TADA3: variants seen among roughly 807,000 people sequenced by gnomAD.
TADA3 encodes the protein transcriptional adapter 3.
Under a neutral mutation model 43.2 loss-of-function variants are expected in TADA3, and 25 were observed. The ratio of observed to expected loss-of-function variants is 0.58; its 90% confidence interval spans 0.42 to 0.81. The LOEUF (loss-of-function observed/expected upper bound fraction) is 0.81. Ranked by LOEUF, TADA3 falls within the 30% of genes least tolerant of loss-of-function variation. TADA3 has a pLI of 0.00. For missense variants in TADA3, 441 were observed against 567.8 expected (o/e 0.78, Z 2.27); for synonymous variants, 235 against 225.5 (o/e 1.04, Z -0.38).
rs1180225158 is a variant in TADA3 at position 9,780,276 on chromosome 3, T to C, written c.*81A>G. On this transcript the variant is annotated 3_prime_UTR_variant, in exon 9 of 9. Coordinates refer to ENST00000301964, the MANE Select transcript of TADA3 (RefSeq NM_006354.5). Reference sequence around the variant, plus strand: ...CATTTGAGGGACAGCCACAGGCCAATGTTTCCTGTGCCCAAAGAAGGAAGT... The same window carrying C: ...CATTTGAGGGACAGCCACAGGCCAACGTTTCCTGTGCCCAAAGAAGGAAGT... 17 of 1,437,918 alleles carry C rather than the reference T, an allele frequency of 1.2e-5. No individual in the cohort carries two copies. Among genetic ancestry groups the C allele is most frequent in the East Asian group, 9.2e-5 (4 of 43,690 alleles). 89.1% of individuals were successfully genotyped at this position (1,437,918 alleles called of 1,614,324 possible).
intron 7 of TADA3, among the ~76,000 whole-genome samples, chr3:9,785,062 T>C (rs1452246965): frequency 1.3e-5 from 2 of 152,216 alleles, no homozygotes; most frequent in Non-Finnish European, 2.9e-5. Flanking sequence ...TATGGAGTTA[T>C]GCCAATTTAG....
At chr3:9,792,729 G>T (rs527257995), upstream of TADA3, 1,063 of 1,236,800 alleles carry the variant, frequency 8.6e-4, no homozygotes, top group Non-Finnish European at 1.0e-3. Context: ...GAGAAAGGAT[G>T]GGGGTACAGA....
At chr3:9,789,369 C>A in intron 4 of TADA3, 140 bp downstream of exon 4, 2 of 727,754 alleles carry the variant, frequency 2.7e-6, no homozygotes, top group Non-Finnish European at 4.4e-6. Flanking sequence ...GCCTAGGTGT[C>A]TGGAGGCACT....
chr3:9,791,269 G>C lies in TADA3; in HGVS notation c.198C>G (p.Ala66=), dbSNP rs139007937. ...SASRRLRVLE[A]ETQILTDWQD... ...TCTCTGGGGTTATCACCTGGGTTTC[G>C]GCCTCAAGCACACGCAGGCGCCGGC... Residue 66 remains alanine (A), a synonymous_variant, in exon 2 of 9, where the codon GCC becomes GCG. Coordinates refer to ENST00000301964, the MANE Select transcript of TADA3 (RefSeq NM_006354.5). The C allele has an allele frequency of 6.2e-7, 1 of 1,611,832 alleles. No individual in the cohort carries two copies. The highest frequency in any genetic ancestry group is 8.5e-7 in the Non-Finnish European group (1 of 1,179,620).
intron 6 of TADA3, among the ~76,000 whole-genome samples, chr3:9,785,796 G>A (rs903484919): frequency 4.6e-5 from 7 of 152,370 alleles, no homozygotes; most frequent in African/African-American, 1.7e-4. Flanking sequence ...GGCAATGCCT[G>A]TCCAGTTGTA....
At chr3:9,788,510 GC>G (rs1480297682) in intron 4 of TADA3, among the ~76,000 whole-genome samples, 1 of 150,134 alleles carries the variant, frequency 6.7e-6, no homozygotes, top group Non-Finnish European at 1.5e-5. Flanking sequence ...CTCCCAAAGG[GC>G]TGGGATTACA....
At position 9,789,534 on chromosome 3, in the gene TADA3, G is replaced by A. The variant is rs941668510; in HGVS notation, c.539C>T (p.Pro180Leu). 2 of 1,614,048 alleles carry A rather than the reference G, an allele frequency of 1.2e-6. No individual in the cohort carries two copies. Among genetic ancestry groups the A allele is most frequent in the African/African-American group, 1.3e-5 (1 of 75,026 alleles). Reference sequence around the variant, plus strand: ...CTTGTAATGCTCAGCCTCATCTTCTGGGGGCTTCAGTAACTCCTCAAGTGT... The same window carrying A: ...CTTGTAATGCTCAGCCTCATCTTCTAGGGGCTTCAGTAACTCCTCAAGTGT... ...VRTLEELLKP[P>L]EDEAEHYKIP... Residue 180 changes from proline to leucine, a missense_variant, in exon 4 of 9, where the codon CCA becomes CTA. Physicochemically the swap from Pro to Leu is moderately conservative, Grantham distance 98. Transcript: ENST00000301964.
intron 8 of TADA3, chr3:9,781,604 G>A (rs1365309746): frequency 2.2e-6 from 1 of 456,084 alleles, no homozygotes; most frequent in Non-Finnish European, 4.4e-6. Flanking sequence ...ACAGGAGGTG[G>A]GTGAGACACC....
intron 8 of TADA3, among the ~76,000 whole-genome samples, chr3:9,782,733 G>A (rs776384848): frequency 6.6e-6 from 1 of 150,474 alleles, no homozygotes; most frequent in Non-Finnish European, 1.5e-5. Context: ...GGAGGTTGCA[G>A]TGAGCCGAGA....
chr3:9,780,705 C>A lies in TADA3; in HGVS notation c.1107-156G>T, dbSNP rs1166478295. 2.6e-5 allele frequency among the ~76,000 whole-genome samples: 4 copies of A among 152,244 alleles called. No homozygotes were observed. The East Asian group carries it at 7.7e-4, about 29-fold the overall frequency. On this transcript the variant is annotated intron_variant, in intron 8 of 8. Transcript: ENST00000301964. ...AAAAGCAGTTACTGACCTACACTTA[C>A]ATGGCACTATCTTAAGCTCCTGAAA...
chr3:9,785,222 G>A, intron 7 of TADA3, 94 bp downstream of exon 7: 1 of 944,638 alleles, frequency 1.1e-6, no homozygotes, highest in Non-Finnish European at 1.6e-6. Flanking sequence ...ACTGCCCCCA[G>A]CCTCTTACTG....
intron 8 of TADA3, chr3:9,781,495 T>C (rs1048634276): frequency 2.2e-6 from 1 of 456,044 alleles, no homozygotes. Flanking sequence ...CTCTTGTTTT[T>C]AAACACTGTT....
At position 9,787,945 on chromosome 3, in the gene TADA3, TGTG is replaced by T. The variant is rs998970807; in HGVS notation, c.565-608_565-606del. The T allele has an allele frequency of 2.2e-5, 8 of 356,008 alleles. No homozygotes were observed. The Admixed American group carries it at 3.2e-4, about 14-fold the overall frequency. The allele number at this position is 356,008 out of a possible 1,614,324, so 22.1% of individuals were successfully genotyped here. On this transcript the variant is annotated intron_variant, in intron 4 of 8. Coordinates refer to ENST00000301964, the MANE Select transcript of TADA3 (RefSeq NM_006354.5). ...GAGGCCCAGAGACCAGCGAGGAGGC[TGTG>T]GTGTCCTGGAATGAGGGCGAGATAC...
intron 6 of TADA3, among the ~76,000 whole-genome samples, chr3:9,785,792 G>A (rs1183448100): frequency 6.6e-6 from 1 of 152,232 alleles, no homozygotes; most frequent in Non-Finnish European, 1.5e-5. Flanking sequence ...GCTAGGCAAT[G>A]CCTGTCCAGT....
Position 9,792,407 on chromosome 3 carries a change from C to G in TADA3, c.-219G>C, listed in dbSNP as rs1027529197. ...CCCTCTACCTCCTCGCTGCGGCCTC[C>G]TACGGCCCCAGGGGCCGCGGGAGGG... is the stretch of plus-strand genomic sequence containing the variant. On this transcript the variant is annotated 5_prime_UTR_variant, in exon 1 of 9. Transcript: ENST00000301964. 1.1e-6 allele frequency: 1 copy of G among 947,230 alleles called. No homozygotes were observed. The highest frequency in any genetic ancestry group is 1.7e-5 in the African/African-American group (1 of 58,012). 58.7% of individuals were successfully genotyped at this position (947,230 alleles called of 1,614,324 possible). A position where few individuals can be genotyped will look rare whatever the true frequency, so the allele number is the denominator to read the frequency against.
upstream of TADA3, chr3:9,792,664 C>G: frequency 1.6e-6 from 2 of 1,232,498 alleles, no homozygotes; most frequent in Non-Finnish European, 2.0e-6. Flanking sequence ...CGGCCGAGAT[C>G]TCCGCGCTGC....
intron 4 of TADA3, chr3:9,787,651 C>A (rs73113563): frequency 2.2e-6 from 3 of 1,384,640 alleles, no homozygotes; most frequent in East Asian, 3.6e-5. Flanking sequence ...GAATTAGGAG[C>A]CTTCAGGTCA....
In TADA3 at chr3:9,791,172, A is replaced by C. The variant is rs2078722333; in HGVS notation, c.207+88T>G. On this transcript the variant is annotated intron_variant, in intron 2 of 8. Transcript: ENST00000301964. ...TCTCCCCACAAACCCCTGTACCCCAAGTCTCAGCATATGGGGCTAACTCAA... is the reference window on the plus strand; with the variant it reads ...TCTCCCCACAAACCCCTGTACCCCACGTCTCAGCATATGGGGCTAACTCAA... 7 of 1,356,684 alleles carry C rather than the reference A, an allele frequency of 5.2e-6. 1 individual carries two copies. The South Asian group carries it at 9.7e-5, about 19-fold the overall frequency. 84.0% of individuals were successfully genotyped at this position (1,356,684 alleles called of 1,614,324 possible). A position where few individuals can be genotyped will look rare whatever the true frequency, so the allele number is the denominator to read the frequency against.
At chr3:9,792,484 G>C, upstream of TADA3, 1 of 1,204,476 alleles carries the variant, frequency 8.3e-7, no homozygotes, top group Non-Finnish European at 1.0e-6. Context: ...GGCTATGGGC[G>C]GGCCCCTTGC....
Sources: allele counts gnomAD v4.1 joint callset (sites outside exome capture counted in the v4.1 genomes callset), GRCh38; gene constraint gnomAD v4.1.1; transcripts MANE v1.5; gene names NCBI Gene and HGNC (gene_info 2026-07-23, HGNC 2026-07-21).